The following TIAM1 variants were observed in gnomAD, a reference collection of about 807,000 sequenced individuals.
The protein encoded by TIAM1 is TIAM Rac1 associated GEF 1.
Under a neutral mutation model 163.5 loss-of-function variants are expected in TIAM1, and 65 were observed. The observed-to-expected ratio is 0.40, with a 90% CI of 0.33 to 0.49. The LOEUF (loss-of-function observed/expected upper bound fraction) is 0.49. Among genes scored for constraint, TIAM1 ranks in the 20% least tolerant of loss-of-function variants. TIAM1 has a pLI of 0.77. For missense variants in TIAM1, 1,789 were observed against 2,044.7 expected, an observed-to-expected ratio of 0.87 and a Z score of 2.41; for synonymous variants, 833 against 810.1, an observed-to-expected ratio of 1.03 and a Z score of -0.48.
chr21:31,344,076 CT>C (rs1328087282), intron 1 of TIAM1, 61 bp downstream of exon 1: 1 of 152,276 alleles, frequency 6.6e-6, no homozygotes, highest in Non-Finnish European at 1.5e-5. Context: ...GCTGCCTCCC[CT>C]GACCACCCGA....
chr21:31,269,067 C>T (rs2072928368), intron 3 of TIAM1, among the ~76,000 whole-genome samples: 1 of 152,194 alleles, frequency 6.6e-6, no homozygotes, highest in African/African-American at 2.4e-5. Context: ...AAGATTTACC[C>T]TCCTCTAGCA....
intron 2 of TIAM1, among the ~76,000 whole-genome samples, chr21:31,394,624 T>C (rs1028288234): frequency 4.6e-5 from 7 of 151,858 alleles, no homozygotes; most frequent in Admixed American, 3.9e-4. Flanking sequence ...GTACAGGAAC[T>C]CTGCGCTTTC....
In TIAM1 at chr21:31,469,971, G is replaced by A. The variant is rs182271492; in HGVS notation, c.-421-5936C>T. ...GTGGCGCACTGTCTGAGGAGGCTCCGAGTGTTACGAGTGTCAGTGAAAACC... is the reference window on the plus strand; with the variant it reads ...GTGGCGCACTGTCTGAGGAGGCTCCAAGTGTTACGAGTGTCAGTGAAAACC... On this transcript the variant is annotated intron_variant, in intron 1 of 28. Transcript: ENST00000286827. Among the ~76,000 whole-genome samples, 162 of 151,184 alleles carry A rather than the reference G, an allele frequency of 1.1e-3. 1 individual carries two copies. The highest frequency in any genetic ancestry group is 3.4e-3 in the African/African-American group (139 of 41,142).
intron 2 of TIAM1, among the ~76,000 whole-genome samples, chr21:31,290,782 C>A (rs2073991934): frequency 6.6e-6 from 1 of 151,976 alleles, no homozygotes; most frequent in Non-Finnish European, 1.5e-5. Context: ...TCCTCAGTTT[C>A]CCCATCTGTA....
At chr21:31,460,759 A>C (rs1322429277) in intron 2 of TIAM1, among the ~76,000 whole-genome samples, 2 of 152,236 alleles carry the variant, frequency 1.3e-5, no homozygotes, top group Non-Finnish European at 2.9e-5. Context: ...TATGACACCA[A>C]TTATATCTGA....
chr21:31,186,890 T>C (rs1568990953), intron 14 of TIAM1, 111 bp downstream of exon 14: 5 of 916,898 alleles, frequency 5.5e-6, no homozygotes, highest in Non-Finnish European at 7.0e-6. Flanking sequence ...GAGAAAATGT[T>C]CAAATACTTT....
upstream of TIAM1, among the ~76,000 whole-genome samples, chr21:31,347,183 C>T (rs868625031): frequency 2.2e-4 from 33 of 152,190 alleles, no homozygotes; most frequent in Non-Finnish European, 3.1e-4. Context: ...AGAGTCTGAG[C>T]AACATGTGAA....
intron 13 of TIAM1, among the ~76,000 whole-genome samples, chr21:31,192,829 C>G (rs1318239627): frequency 6.6e-6 from 1 of 152,168 alleles, no homozygotes; most frequent in African/African-American, 2.4e-5. Context: ...TCCCCTTCCC[C>G]CTCTGCAGAG....
At chr21:31,185,816 A>T (rs1204706852) in intron 14 of TIAM1, among the ~76,000 whole-genome samples, 1 of 151,926 alleles carries the variant, frequency 6.6e-6, no homozygotes, top group Non-Finnish European at 1.5e-5. Context: ...AGACACACAC[A>T]GGGCAGAAGC....
chr21:31,339,565 T>C (rs775530493), intron 1 of TIAM1, 143 bp from the exon 2 acceptor site: 4 of 395,088 alleles, frequency 1.0e-5, no homozygotes, highest in South Asian at 1.4e-4. Flanking sequence ...TACATTAGAG[T>C]ATGGATATTT....
intron 1 of TIAM1, among the ~76,000 whole-genome samples, chr21:31,546,201 A>T (rs1217180339): frequency 2.1e-5 from 3 of 140,016 alleles, no homozygotes; most frequent in Non-Finnish European, 3.1e-5. Flanking sequence ...AAAAAAAAAA[A>T]ACTGTGATGG....
intron 2 of TIAM1, among the ~76,000 whole-genome samples, chr21:31,406,555 A>G (rs557980919): frequency 6.6e-6 from 1 of 152,328 alleles, no homozygotes; most frequent in African/African-American, 2.4e-5. Context: ...TACTAATGCA[A>G]TAAACTTTCA....
chr21:31,359,949 C>A (rs1426653557), intron 2 of TIAM1, among the ~76,000 whole-genome samples: 1 of 151,098 alleles, frequency 6.6e-6, no homozygotes, highest in African/African-American at 2.4e-5. Flanking sequence ...GGAAATTTCC[C>A]AAAATGCAAA....
chr21:31,338,442 G>C (rs769083924), intron 2 of TIAM1, among the ~76,000 whole-genome samples: 9 of 152,172 alleles, frequency 5.9e-5, no homozygotes, highest in Non-Finnish European at 1.2e-4. Context: ...TTGTCCACGA[G>C]AGGAAGGCAA....
rs114343060 is a variant in TIAM1, at chr21:31,466,299, G to A, written c.-421-2264C>T. On this transcript the variant is annotated intron_variant, in intron 1 of 28. Transcript: ENST00000286827. ...ACTAAGAAGAGATATTAAAGTCAGG[G>A]GGATTCTTGCTAAATCAACTTAACA... is the stretch of plus-strand genomic sequence containing the variant. Among the ~76,000 whole-genome samples the A allele has an allele frequency of 3.0e-3, 462 of 152,304 alleles. 6 individuals carry two copies. Among genetic ancestry groups the A allele is most frequent in the African/African-American group, 0.011 (441 of 41,572 alleles).
rs189879085 is a variant in TIAM1 at position 31,503,467 on chromosome 21, A to G, written c.-421-39432T>C. ...GAAGGAAGGAAGGAAGGGAGGGAGG[A>G]AGGGAGGGAGGGAGGGAGGGAAAGA... On this transcript the variant is annotated intron_variant, in intron 1 of 28. Coordinates refer to the TIAM1 transcript ENST00000286827. Among the ~76,000 whole-genome samples, 320 of 60,088 alleles carry G rather than the reference A, an allele frequency of 5.3e-3. 14 individuals are homozygous for G. The highest frequency in any genetic ancestry group is 0.024 in the African/African-American group (299 of 12,488). The allele number at this position is 60,088 out of a possible 152,430, so 39.4% of individuals were successfully genotyped here. A position where few individuals can be genotyped will look rare whatever the true frequency, so the allele number is the denominator to read the frequency against.
In TIAM1 at chr21:31,182,560, T is replaced by A. The variant is rs2085083516; in HGVS notation, c.2748A>T (p.Ser916=). The change falls in exon 15 of 28, where the codon TCA becomes TCT. Residue 916 remains serine, a synonymous_variant. Coordinates refer to ENST00000541036, the MANE Select transcript of TIAM1 (RefSeq NM_001353694.2). ...TCACCAGGAGGCCCAGCGAGGGCTG[T>A]GAGAGGAAATCTTTGAGCATAGAAG... ...LNSSMLKDFL[S]QPSLGLLVRT... 1 of 1,613,702 alleles carries A rather than the reference T, an allele frequency of 6.2e-7. No individual in the cohort carries two copies. The highest frequency in any genetic ancestry group is 2.2e-5 in the East Asian group (1 of 44,862).
At chr21:31,247,307 T>C (rs567350637) in intron 5 of TIAM1, among the ~76,000 whole-genome samples, 66 of 152,146 alleles carry the variant, frequency 4.3e-4, no homozygotes, top group Non-Finnish European at 7.9e-4. Context: ...CAAGACCCTG[T>C]CACAAAAAAA....
At chr21:31,371,345 C>T (rs1296950365) in intron 2 of TIAM1, among the ~76,000 whole-genome samples, 1 of 152,156 alleles carries the variant, frequency 6.6e-6, no homozygotes, top group African/African-American at 2.4e-5. Context: ...GGGCTAAGAG[C>T]TCATTTAGTA....
Sources: allele counts gnomAD v4.1 joint callset (sites outside exome capture counted in the v4.1 genomes callset), GRCh38; gene constraint gnomAD v4.1.1; transcripts MANE v1.5; gene names NCBI Gene and HGNC (gene_info 2026-07-23, HGNC 2026-07-21).